AMN: variants seen among roughly 807,000 people sequenced by gnomAD.
The protein encoded by AMN is protein amnionless.
Under a neutral mutation model 49.1 loss-of-function variants are expected in AMN, and 40 were observed. The ratio of observed to expected loss-of-function variants is 0.81; its 90% CI spans 0.63 to 1.06. AMN has a LOEUF of 1.06. AMN is among the 50% of genes least tolerant of loss of function. The pLI, the probability that AMN is intolerant of heterozygous loss-of-function variation, is 0.00. For missense variants in AMN, 701 were observed against 662.8 expected, an observed-to-expected ratio of 1.06 and a Z score of -0.63; for synonymous variants, 380 against 313.3, an observed-to-expected ratio of 1.21 and a Z score of -2.25.
At chr14:102,927,188 C>T (rs1212082513) in intron 3 of AMN, among the ~76,000 whole-genome samples, 3 of 152,216 alleles carry the variant, frequency 2.0e-5, no homozygotes, top group East Asian at 1.9e-4. Flanking sequence ...GCCACCGCTC[C>T]TGGCCTTAAG....
chr14:102,923,752 G>C lies in AMN; in HGVS notation c.85G>C (p.Asp29His). The C allele has an allele frequency of 6.2e-7, 1 of 1,612,806 alleles. No individual in the cohort carries two copies. The highest frequency in any genetic ancestry group is 8.5e-7 in the Non-Finnish European group (1 of 1,179,876). Reference sequence around the variant, plus strand: ...CTCCAAACTCTGGGTCCCCAACACGGACTTCGACGTCGCAGCCAACTGGAG... The same window carrying C: ...CTCCAAACTCTGGGTCCCCAACACGCACTTCGACGTCGCAGCCAACTGGAG... ...AVSKLWVPNT[D>H]FDVAANWSQN... is the part of the protein sequence containing the mutation. The change falls in exon 2 of 12, where the codon GAC (aspartate) becomes CAC (histidine). Residue 29 changes from aspartate to histidine, a missense_variant. Physicochemically the swap from Asp to His is moderately conservative, Grantham distance 81 (BLOSUM62 -1). Transcript: ENST00000299155.
In AMN at chr14:102,922,718, G is replaced by T; in HGVS notation, c.30G>T (p.Trp10Cys). MGVLGRVLL[W>C]LQLCALTQAV... ...GCGTCCTGGGCCGGGTCCTGCTGTG[G>T]CTGCAGCTCTGCGGTGAGCCGGGAC... The change falls in exon 1 of 12, where the codon TGG (tryptophan) becomes TGT (cysteine). Residue 10 changes from tryptophan to cysteine, a missense_variant. Transcript: ENST00000299155. 6.3e-7 allele frequency: 1 copy of T among 1,593,836 alleles called. No individual in the cohort carries two copies. Among genetic ancestry groups the T allele is most frequent in the Non-Finnish European group, 8.5e-7 (1 of 1,173,526 alleles).
chr14:102,922,822 C>A (rs1436104575), intron 1 of AMN, 91 bp downstream of exon 1: 4 of 1,496,724 alleles, frequency 2.7e-6, no homozygotes, highest in South Asian at 2.4e-5. Flanking sequence ...GGGTGAAGAT[C>A]TTCCGAGGAG....
rs747910380 is a variant in AMN at position 102,922,730 on chromosome 14, C to G, written c.42C>G (p.Cys14Trp). 2 of 1,587,370 alleles carry G rather than the reference C, an allele frequency of 1.3e-6. No individual in the cohort carries two copies. The highest frequency in any genetic ancestry group is 4.5e-5 in the East Asian group (2 of 44,098). Residue 14 changes from cysteine to tryptophan, a missense_variant and splice_region_variant, in exon 1 of 12, where the codon TGC becomes TGG. Cys to Trp is a radical substitution (Grantham distance 215). Coordinates refer to ENST00000299155, the MANE Select transcript of AMN (RefSeq NM_030943.4). ...LGRVLLWLQLCALTQAVSKLW... is the reference protein window; with the variant it reads ...LGRVLLWLQLWALTQAVSKLW... ...GGGTCCTGCTGTGGCTGCAGCTCTG[C>G]GGTGAGCCGGGACCACACCGGTGCG...
At chr14:102,923,405 C>T in intron 1 of AMN, 2 of 431,156 alleles carry the variant, frequency 4.6e-6, no homozygotes, top group South Asian at 4.1e-5. Context: ...CTTAACAACG[C>T]TGTCCTCTGC....
intron 3 of AMN, among the ~76,000 whole-genome samples, chr14:102,925,312 C>T (rs1276745849): frequency 2.0e-5 from 3 of 152,216 alleles, no homozygotes; most frequent in East Asian, 3.8e-4. Flanking sequence ...CTGCCCCATG[C>T]GGGGTCAGGG....
rs143161971 is a variant in AMN at position 102,926,403 on chromosome 14, T to G, written c.208-2023T>G. Reference sequence around the variant, plus strand: ...TTGTGGGTCTCTCTGAGCCTTGTCTTCAAGTCCACAGGCCGCTTTGCCGAC... The same window carrying G: ...TTGTGGGTCTCTCTGAGCCTTGTCTGCAAGTCCACAGGCCGCTTTGCCGAC... On this transcript the variant is annotated intron_variant, in intron 3 of 11. Coordinates refer to ENST00000299155, the MANE Select transcript of AMN (RefSeq NM_030943.4). Among the ~76,000 whole-genome samples, 77 of 152,160 alleles carry G rather than the reference T, an allele frequency of 5.1e-4. 1 individual carries two copies. In the East Asian group the frequency reaches 0.011, roughly 22 times the overall value.
chr14:102,926,296 C>T (rs887707888), intron 3 of AMN, among the ~76,000 whole-genome samples: 4 of 152,212 alleles, frequency 2.6e-5, no homozygotes, highest in African/African-American at 9.6e-5. Flanking sequence ...GTGTTTCTCT[C>T]CTTAGAGTGA....
At position 102,930,438 on chromosome 14, in the gene AMN, G is replaced by C. The variant is rs1891318891; in HGVS notation, c.1202G>C (p.Gly401Ala). ...WRRHEAAAPA[G>A]APLGFRNPVF... is the part of the protein sequence containing the mutation. ...AGGCACGAGGCGGCGGCCCCGGCTG[G>C]AGCGCCCCTCGGCTTCCGCAACCCG... Residue 401 changes from glycine to alanine, a missense_variant, in exon 11 of 12, where the codon GGA becomes GCA. Gly to Ala is a moderately conservative substitution (Grantham distance 60). Transcript: ENST00000299155. 6.6e-7 allele frequency: 1 copy of C among 1,523,990 alleles called. No individual in the cohort carries two copies. Among genetic ancestry groups the C allele is most frequent in the African/African-American group, 1.4e-5 (1 of 71,494 alleles). The allele number at this position is 1,523,990 out of a possible 1,614,324, so 94.4% of individuals were successfully genotyped here. A position where few individuals can be genotyped will look rare whatever the true frequency, so the allele number is the denominator to read the frequency against.
In AMN at chr14:102,923,737, T is replaced by C; in HGVS notation, c.70T>C (p.Trp24Arg). Residue 24 changes from tryptophan to arginine, a missense_variant, in exon 2 of 12, where the codon TGG (tryptophan) becomes CGG (arginine). Coordinates refer to ENST00000299155, the MANE Select transcript of AMN (RefSeq NM_030943.4). ...CALTQAVSKL[W>R]VPNTDFDVAA... ...ACTGACCCAGGCGGTCTCCAAACTC[T>C]GGGTCCCCAACACGGACTTCGACGT... 6.2e-7 allele frequency: 1 copy of C among 1,612,796 alleles called. No individual in the cohort carries two copies. The highest frequency in any genetic ancestry group is 8.5e-7 in the Non-Finnish European group (1 of 1,179,870).
Position 102,928,602 on chromosome 14 carries a change from G to C in AMN, c.295+89G>C. 4 of 1,507,754 alleles carry C rather than the reference G, an allele frequency of 2.7e-6. No homozygotes were observed. In the South Asian group the frequency reaches 3.5e-5, roughly 13 times the overall value. 93.4% of individuals were successfully genotyped at this position (1,507,754 alleles called of 1,614,324 possible). On this transcript the variant is annotated intron_variant, in intron 4 of 11. Coordinates refer to ENST00000299155, the MANE Select transcript of AMN (RefSeq NM_030943.4). ...AGGCGCGTCGAGGGGGGCGAGGACC[G>C]GAGGGAGGGCGCCTCCGGGGGCGTG...
At position 102,923,744 on chromosome 14, in the gene AMN, C is replaced by T; in HGVS notation, c.77C>T (p.Pro26Leu). The T allele has an allele frequency of 1.9e-6, 3 of 1,612,790 alleles. No homozygotes were observed. The highest frequency in any genetic ancestry group is 1.3e-5 in the African/African-American group (1 of 75,060). ...LTQAVSKLWV[P>L]NTDFDVAANW... ...CAGGCGGTCTCCAAACTCTGGGTCC[C>T]CAACACGGACTTCGACGTCGCAGCC... Residue 26 changes from proline (P) to leucine (L), a missense_variant, in exon 2 of 12, where the codon CCC (proline) becomes CTC (leucine). By Grantham distance (98) the Pro-to-Leu change is moderately conservative. Coordinates refer to ENST00000299155, the MANE Select transcript of AMN (RefSeq NM_030943.4).
Position 102,930,195 on chromosome 14 carries a change from T to G in AMN, c.1037T>G (p.Met346Arg), listed in dbSNP as rs1252757520. 19 of 1,477,466 alleles carry G rather than the reference T, an allele frequency of 1.3e-5. No individual in the cohort carries two copies. The Admixed American group carries it at 3.7e-4, about 29-fold the overall frequency. 91.5% of individuals were successfully genotyped at this position (1,477,466 alleles called of 1,614,324 possible). The change falls in exon 10 of 12, where the codon ATG becomes AGG. Residue 346 changes from methionine to arginine, a missense_variant. Physicochemically the swap from Met to Arg is moderately conservative, Grantham distance 91. Transcript: ENST00000299155. ...GEALGVLEAT[M>R]RESGAHVWGS... ...GCCCTCGGCGTCCTGGAGGCGACCA[T>G]GCGGGAGTCGGGCGCACACGTCTGG...
In AMN at chr14:102,929,480, C is replaced by T; in HGVS notation, c.704C>T (p.Pro235Leu). The T allele has an allele frequency of 2.6e-6, 4 of 1,532,034 alleles. No homozygotes were observed. The highest frequency in any genetic ancestry group is 3.5e-6 in the Non-Finnish European group (4 of 1,145,322). The allele number at this position is 1,532,034 out of a possible 1,614,324, so 94.9% of individuals were successfully genotyped here. Residue 235 changes from proline (P) to leucine (L), a missense_variant, in exon 7 of 12, where the codon CCC becomes CTC. Pro to Leu is a moderately conservative substitution (Grantham distance 98). Transcript: ENST00000299155. The stretch of plus-strand genomic sequence containing the variant: ...CTCCAGCCCCTGGGCGGCCGCTGCC[C>T]CCAGGCCGCCTGCCACAGCGCCCTC... The part of the protein sequence containing the change: ...ALLQPLGGRC[P>L]QAACHSALRP...
In AMN at chr14:102,930,616, C is replaced by A. The variant is rs749671617; in HGVS notation, c.1298C>A (p.Ala433Glu). ...RRLSLVPKAA[A>E]DSTSHSYFVN... Reference sequence around the variant, plus strand: ...CTCAGCCTGGTTCCGAAGGCGGCCGCAGACAGCACCAGCCACAGTTACTTC... The same window carrying A: ...CTCAGCCTGGTTCCGAAGGCGGCCGAAGACAGCACCAGCCACAGTTACTTC... The change falls in exon 12 of 12, where the codon GCA (alanine) becomes GAA (glutamate). Residue 433 changes from alanine to glutamate, a missense_variant. Ala to Glu is a moderately radical substitution (Grantham distance 107). Coordinates refer to ENST00000299155, the MANE Select transcript of AMN (RefSeq NM_030943.4). 6.3e-7 allele frequency: 1 copy of A among 1,593,974 alleles called. No homozygotes were observed. Among genetic ancestry groups the A allele is most frequent in the South Asian group, 1.1e-5 (1 of 88,274 alleles).
intron 3 of AMN, among the ~76,000 whole-genome samples, chr14:102,926,584 AT>A (rs11323567): frequency 0.29 from 39,231 of 136,752 alleles, 5,937 homozygotes; most frequent in African/African-American, 0.43. Flanking sequence ...AAAACCCTGG[AT>A]TTTTTTTTTT....
intron 1 of AMN, chr14:102,923,135 A>G (rs1319515632): frequency 1.3e-5 from 3 of 238,710 alleles, no homozygotes; most frequent in Non-Finnish European, 2.5e-5. Flanking sequence ...CTCCGCCTTC[A>G]CACCAGGCCG....
At chr14:102,925,836 A>G (rs1389645926) in intron 3 of AMN, among the ~76,000 whole-genome samples, 1 of 151,796 alleles carries the variant, frequency 6.6e-6, no homozygotes, top group Non-Finnish European at 1.5e-5. Context: ...CCGCCCAAGC[A>G]CCCCCATCCC....
chr14:102,923,671 C>T (rs115310704), intron 1 of AMN, 40 bp from the exon 2 acceptor site: 6 of 1,561,180 alleles, frequency 3.8e-6, no homozygotes, highest in Admixed American at 1.7e-5. Flanking sequence ...AAGGGAGCAT[C>T]CCGGAGAGCA....
Sources: allele counts gnomAD v4.1 joint callset (sites outside exome capture counted in the v4.1 genomes callset), GRCh38; gene constraint gnomAD v4.1.1; transcripts MANE v1.5; gene names NCBI Gene and HGNC (gene_info 2026-07-23, HGNC 2026-07-21).